ARHGAP24: variants seen among roughly 807,000 people sequenced by gnomAD.
ARHGAP24 encodes Rho GTPase activating protein 24.
In ARHGAP24, 50 loss-of-function variants were observed where a neutral mutation model predicts 76.4. The ratio of observed to expected loss-of-function variants is 0.65; its 90% CI spans 0.52 to 0.83. The LOEUF (loss-of-function observed/expected upper bound fraction) is 0.83, where lower values mean the gene tolerates loss of function less well. Ranked by LOEUF, ARHGAP24 falls within the 40% of genes least tolerant of loss-of-function variation. The pLI is 0.00. For missense variants in ARHGAP24, 930 were observed against 914.2 expected, an observed-to-expected ratio of 1.02 and a Z score of -0.22; for synonymous variants, 345 against 323.3, an observed-to-expected ratio of 1.07 and a Z score of -0.72.
At chr4:85,903,175 T>C (rs192926491) in intron 3 of ARHGAP24, among the ~76,000 whole-genome samples, 3 of 152,366 alleles carry the variant, frequency 2.0e-5, no homozygotes, top group Admixed American at 2.0e-4. Flanking sequence ...CACACTTCTA[T>C]ACTTCATATT....
intron 1 of ARHGAP24, among the ~76,000 whole-genome samples, chr4:85,525,958 C>T (rs1724974540): frequency 6.6e-6 from 1 of 152,056 alleles, no homozygotes; most frequent in African/African-American, 2.4e-5. Context: ...CTTTTTACAC[C>T]CCCAAGGGCC....
At chr4:85,931,236 T>C (rs560477517) in intron 4 of ARHGAP24, among the ~76,000 whole-genome samples, 2 of 152,194 alleles carry the variant, frequency 1.3e-5, no homozygotes, top group South Asian at 2.1e-4. Flanking sequence ...TATTATTGTC[T>C]GTGAATAGGT....
intron 3 of ARHGAP24, among the ~76,000 whole-genome samples, chr4:85,844,749 A>C (rs1730781845): frequency 1.3e-5 from 2 of 152,186 alleles, no homozygotes; most frequent in Admixed American, 1.3e-4. Context: ...TGGTATAATG[A>C]AATTGTTGCT....
At chr4:85,918,457 A>G (rs1160068084) in intron 3 of ARHGAP24, among the ~76,000 whole-genome samples, 6 of 152,002 alleles carry the variant, frequency 3.9e-5, no homozygotes, top group Non-Finnish European at 8.8e-5. Flanking sequence ...TATTAAAAGT[A>G]TAATTTTTGA....
chr4:85,923,536 A>T, intron 3 of ARHGAP24, 112 bp from the exon 4 acceptor site: 1 of 1,450,908 alleles, frequency 6.9e-7, no homozygotes, highest in Non-Finnish European at 9.5e-7. Flanking sequence ...ATTGGGTAGA[A>T]CTTAGTGCGG....
intron 1 of ARHGAP24, among the ~76,000 whole-genome samples, chr4:85,492,102 CCCTT>C (rs1357943440): frequency 6.6e-6 from 1 of 151,560 alleles, no homozygotes; most frequent in Non-Finnish European, 1.5e-5. Flanking sequence ...CTCCTTCCCT[CCCTT>C]CCTTCCTTCT....
chr4:85,845,997 C>T (rs192288374), intron 3 of ARHGAP24, among the ~76,000 whole-genome samples: 4 of 151,968 alleles, frequency 2.6e-5, no homozygotes, highest in African/African-American at 9.7e-5. Context: ...CTTCCGCCTC[C>T]CATGTTCAAA....
At chr4:85,649,156 C>A (rs1432652775) in intron 2 of ARHGAP24, among the ~76,000 whole-genome samples, 1 of 152,042 alleles carries the variant, frequency 6.6e-6, no homozygotes, top group Admixed American at 6.6e-5. Flanking sequence ...TTTAATTTCA[C>A]AGTATTTACC....
intron 2 of ARHGAP24, among the ~76,000 whole-genome samples, chr4:85,669,691 A>G (rs199630264): frequency 6.5e-5 from 5 of 76,462 alleles, no homozygotes; most frequent in East Asian, 1.7e-3. Context: ...ATATATATAT[A>G]TGTGATATAT....
intron 1 of ARHGAP24, among the ~76,000 whole-genome samples, chr4:85,505,719 A>G (rs368569017): frequency 6.6e-6 from 1 of 152,044 alleles, no homozygotes. Context: ...TCTGAAGTCT[A>G]GTTCTATCAA....
chr4:85,583,650 C>A (rs1039112923), intron 2 of ARHGAP24, among the ~76,000 whole-genome samples: 1 of 151,336 alleles, frequency 6.6e-6, no homozygotes, highest in Non-Finnish European at 1.5e-5. Flanking sequence ...TCAGAGTGAA[C>A]AGGCATCCTA....
intron 3 of ARHGAP24, among the ~76,000 whole-genome samples, chr4:85,907,377 C>A (rs1462603372): frequency 1.3e-5 from 2 of 152,032 alleles, no homozygotes; most frequent in Non-Finnish European, 2.9e-5. Flanking sequence ...TTTACAAAAC[C>A]TAAGTAGACA....
intron 2 of ARHGAP24, among the ~76,000 whole-genome samples, chr4:85,616,081 A>C (rs906658802): frequency 6.6e-6 from 1 of 152,218 alleles, no homozygotes; most frequent in African/African-American, 2.4e-5. Flanking sequence ...TTAGAGTTTT[A>C]ATAAGCACAA....
rs551108315 is a variant in ARHGAP24 at position 85,570,528 on chromosome 4, C to T, written c.-14C>T. 6.2e-7 allele frequency: 1 copy of T among 1,613,470 alleles called. No homozygotes were observed. Among genetic ancestry groups the T allele is most frequent in the East Asian group, 2.2e-5 (1 of 44,830 alleles). ...CTTTTTGTTTGCTAACTAGGAAAGT[C>T]CATCAGCTTGATAATGGAGGAGAAC... On this transcript the variant is annotated 5_prime_UTR_variant, in exon 2 of 10. Transcript: ENST00000395184.
At chr4:85,731,521 A>G (rs963558652) in intron 3 of ARHGAP24, among the ~76,000 whole-genome samples, 7 of 152,200 alleles carry the variant, frequency 4.6e-5, no homozygotes, top group Non-Finnish European at 1.0e-4. Context: ...TCAAAGTTAG[A>G]GTTGTCTAGG....
chr4:85,846,818 C>G (rs1003228498), intron 3 of ARHGAP24, among the ~76,000 whole-genome samples: 1 of 152,152 alleles, frequency 6.6e-6, no homozygotes, highest in Non-Finnish European at 1.5e-5. Flanking sequence ...TAGTATGTTA[C>G]CCTTCAGTTA....
At chr4:85,529,051 T>C (rs559914708) in intron 1 of ARHGAP24, among the ~76,000 whole-genome samples, 3 of 152,106 alleles carry the variant, frequency 2.0e-5, no homozygotes, top group Non-Finnish European at 2.9e-5. Flanking sequence ...TCATGTTCAG[T>C]GGTAGCAAAA....
intron 1 of ARHGAP24, among the ~76,000 whole-genome samples, chr4:85,511,532 G>A (rs1448483220): frequency 6.6e-6 from 1 of 151,856 alleles, no homozygotes; most frequent in African/African-American, 2.4e-5. Context: ...GTGTGATCTC[G>A]ACTCACTGCA....
intron 3 of ARHGAP24, among the ~76,000 whole-genome samples, chr4:85,913,826 A>G (rs1035063460): frequency 2.0e-5 from 3 of 152,160 alleles, no homozygotes; most frequent in African/African-American, 7.2e-5. Flanking sequence ...CAGATTTGTA[A>G]TATTAATAAA....
Sources: allele counts gnomAD v4.1 joint callset (sites outside exome capture counted in the v4.1 genomes callset), GRCh38; gene constraint gnomAD v4.1.1; transcripts MANE v1.5; gene names NCBI Gene and HGNC (gene_info 2026-07-23, HGNC 2026-07-21).